The following PCDHA5 variants were observed in gnomAD, a reference collection of about 807,000 sequenced individuals.
PCDHA5 encodes the protein protocadherin alpha 5, also known as protocadherin alpha-5.
PCDHA5 carries 43 observed loss-of-function variants against 61.6 expected under a neutral mutation model. The ratio of observed to expected loss-of-function variants is 0.70; its 90% CI spans 0.55 to 0.90. The LOEUF is 0.90. Among genes scored for constraint, PCDHA5 ranks in the 40% least tolerant of loss-of-function variants. The probability of loss-of-function intolerance (pLI) is 0.00; values close to 1 mark genes in which losing one functional copy is unlikely to be tolerated. For missense variants in PCDHA5, 1,298 were observed against 1,222.7 expected (o/e 1.06, Z -0.92); for synonymous variants, 627 against 543.9 (o/e 1.15, Z -2.13).
chr5:140,905,918 T>G (rs536445399), intron 1 of PCDHA5, among the ~76,000 whole-genome samples: 1 of 152,280 alleles, frequency 6.6e-6, no homozygotes, highest in Non-Finnish European at 1.5e-5. Context: ...GAATCCAATC[T>G]GAGTCCCAAA....
chr5:140,822,922 C>G lies in PCDHA5; in HGVS notation c.1147C>G (p.Gln383Glu). 3 of 1,614,270 alleles carry G rather than the reference C, an allele frequency of 1.9e-6. No homozygotes were observed. The highest frequency in any genetic ancestry group is 2.5e-6 in the Non-Finnish European group (3 of 1,180,056). ...TGACCGTGACTCAGGTGCCAACGGG[C>G]AGGTGACCTGCTCCCTAATGCCCCA... ...VSDRDSGANG[Q>E]VTCSLMPHVP... is the part of the protein sequence containing the mutation. Residue 383 changes from glutamine (Q) to glutamate (E), a missense_variant, in exon 1 of 4, where the codon CAG (glutamine) becomes GAG (glutamate). Transcript: ENST00000529859.
chr5:140,844,829 G>T (rs1252495421), intron 1 of PCDHA5, among the ~76,000 whole-genome samples: 2 of 148,848 alleles, frequency 1.3e-5, no homozygotes, highest in Non-Finnish European at 3.0e-5. Flanking sequence ...CTTTTTACAC[G>T]TTTGCTTCTT....
At chr5:140,995,390 C>A (rs1198231096) in intron 3 of PCDHA5, among the ~76,000 whole-genome samples, 1 of 152,088 alleles carries the variant, frequency 6.6e-6, no homozygotes, top group Non-Finnish European at 1.5e-5. Flanking sequence ...CAGGATAAAG[C>A]GGGATGGCTC....
rs2150129086 is a variant in PCDHA5 at position 140,823,778 on chromosome 5, T to C, written c.2003T>C (p.Leu668Pro). The change falls in exon 1 of 4, where the codon CTG becomes CCG. Residue 668 changes from leucine (L) to proline (P), a missense_variant. By Grantham distance (98) the Leu-to-Pro change is moderately conservative. Transcript: ENST00000529859. ...GCCACAGCCACAGTGCTGGTGTCGCTGGTGGAAAGTGGCCAGGCGCCGAAG... is the reference window on the plus strand; with the variant it reads ...GCCACAGCCACAGTGCTGGTGTCGCCGGTGGAAAGTGGCCAGGCGCCGAAG... ...LTATATVLVS[L>P]VESGQAPKAS... The C allele has an allele frequency of 1.2e-6, 2 of 1,613,772 alleles. No individual in the cohort carries two copies. The highest frequency in any genetic ancestry group is 2.2e-5 in the East Asian group (1 of 44,864).
chr5:140,871,031 G>C (rs543880939), intron 1 of PCDHA5: 4 of 1,613,210 alleles, frequency 2.5e-6, no homozygotes, highest in Middle Eastern at 3.3e-4. Flanking sequence ...GACTCGCCGC[G>C]CCACCGACTT....
At chr5:140,967,107 G>C (rs782199698) in intron 1 of PCDHA5, 1 of 1,612,994 alleles carries the variant, frequency 6.2e-7, no homozygotes. Flanking sequence ...TGTGAGCAGC[G>C]GCCTCGCTGC....
Position 140,917,327 on chromosome 5 carries a change from G to A in PCDHA5, c.2353-61622G>A, listed in dbSNP as rs1219338384. ...TTACAATTTGGTGTTCATGTGGCGG[G>A]GGAGGGGGGGGATGGTGTAGGCTTC... On this transcript the variant is annotated intron_variant, in intron 1 of 3. Coordinates refer to ENST00000529859, the MANE Select transcript of PCDHA5 (RefSeq NM_018908.3). Among the ~76,000 whole-genome samples, 73 of 149,528 alleles carry A rather than the reference G, an allele frequency of 4.9e-4. 3 individuals carry two copies. Among genetic ancestry groups the A allele is most frequent in the African/African-American group, 1.3e-3 (54 of 40,384 alleles).
At chr5:140,836,689 T>C in intron 1 of PCDHA5, 1 of 1,613,456 alleles carries the variant, frequency 6.2e-7, no homozygotes. Flanking sequence ...AAGACAGACC[T>C]CATGGCCTTC....
Position 140,822,069 on chromosome 5 carries a change from G to C in PCDHA5, c.294G>C (p.Arg98Ser), listed in dbSNP as rs2150113403. The C allele has an allele frequency of 4.1e-5, 66 of 1,614,116 alleles. No homozygotes were observed. Among genetic ancestry groups the C allele is most frequent in the Admixed American group, 6.7e-5 (4 of 60,010 alleles). ...RIDREELCRR[R>S]AECSIHLEVI... The stretch of plus-strand genomic sequence containing the variant: ...ACCGGGAGGAGCTGTGCCGGCGGAG[G>C]GCGGAGTGCAGCATCCACCTGGAGG... The change falls in exon 1 of 4, where the codon AGG (arginine) becomes AGC (serine). Residue 98 changes from arginine to serine, a missense_variant. Coordinates refer to ENST00000529859, the MANE Select transcript of PCDHA5 (RefSeq NM_018908.3).
At chr5:140,921,244 A>G (rs1167584267) in intron 1 of PCDHA5, among the ~76,000 whole-genome samples, 1 of 152,180 alleles carries the variant, frequency 6.6e-6, no homozygotes, top group African/African-American at 2.4e-5. Flanking sequence ...TAAGCCACAG[A>G]TCAAAAAGTC....
chr5:140,884,764 T>C (rs2060348326), intron 1 of PCDHA5: 1 of 1,417,012 alleles, frequency 7.1e-7, no homozygotes, highest in Non-Finnish European at 9.3e-7. Flanking sequence ...TATTCTTTAC[T>C]TTAATTTTAA....
chr5:140,934,995 T>G (rs1443676222), intron 1 of PCDHA5, among the ~76,000 whole-genome samples: 1 of 152,172 alleles, frequency 6.6e-6, no homozygotes, highest in East Asian at 1.9e-4. Context: ...ACACCCTGAA[T>G]CCTTTTCATG....
chr5:140,945,201 T>G (rs1168662297), intron 1 of PCDHA5, among the ~76,000 whole-genome samples: 1 of 152,172 alleles, frequency 6.6e-6, no homozygotes, highest in Middle Eastern at 3.4e-3. Context: ...CTATTTACAA[T>G]AGCTATGAGA....
chr5:140,825,742 G>A (rs1768696427), intron 1 of PCDHA5: 1 of 152,284 alleles, frequency 6.6e-6, no homozygotes, highest in Non-Finnish European at 1.5e-5. Context: ...TATTGATGAG[G>A]AGTAACTGTG....
At chr5:141,003,052 A>G (rs782531629) in intron 3 of PCDHA5, among the ~76,000 whole-genome samples, 17 of 152,230 alleles carry the variant, frequency 1.1e-4, no homozygotes, top group Non-Finnish European at 1.9e-4. Context: ...CCTTAACAGA[A>G]CAGTTCCAAA....
chr5:140,983,807 G>T (rs1158459034), intron 3 of PCDHA5, among the ~76,000 whole-genome samples: 1 of 152,100 alleles, frequency 6.6e-6, no homozygotes, highest in African/African-American at 2.4e-5. Context: ...TGTGTAAAAG[G>T]TTTTTTCCCA....
chr5:140,874,772 T>C (rs2055099588), intron 1 of PCDHA5, among the ~76,000 whole-genome samples: 1 of 152,270 alleles, frequency 6.6e-6, no homozygotes, highest in South Asian at 2.1e-4. Flanking sequence ...TCCATATTTA[T>C]GATGAATTCT....
rs781785142 is a variant in PCDHA5, at chr5:140,871,450, G to A, written c.2352+47323G>A. 4 of 1,608,718 alleles carry A rather than the reference G, an allele frequency of 2.5e-6. No individual in the cohort carries two copies. The highest frequency in any genetic ancestry group is 2.2e-5 in the South Asian group (2 of 90,488). ...TCTTCCTCTAGGTCTGAATAAAGAG[G>A]AGGAAGGGGAAAGACAGGAGCCAGG... On this transcript the variant is annotated intron_variant, in intron 1 of 3. Coordinates refer to ENST00000529859, the MANE Select transcript of PCDHA5 (RefSeq NM_018908.3).
intron 1 of PCDHA5, among the ~76,000 whole-genome samples, chr5:140,938,013 A>G (rs1310661606): frequency 6.6e-6 from 1 of 152,220 alleles, no homozygotes; most frequent in Non-Finnish European, 1.5e-5. Flanking sequence ...TTCTTGCTAA[A>G]TAGTAAAATC....
Sources: allele counts gnomAD v4.1 joint callset (sites outside exome capture counted in the v4.1 genomes callset), GRCh38; gene constraint gnomAD v4.1.1; transcripts MANE v1.5; gene names NCBI Gene and HGNC (gene_info 2026-07-23, HGNC 2026-07-21).